Variants in TLR6 observed in about 807,000 individuals in gnomAD.
TLR6 encodes the protein toll like receptor 6, also known as toll-like receptor 6.
In TLR6, 9 loss-of-function variants were observed where a neutral mutation model predicts 16.1. That is an observed-to-expected ratio of 0.56 (90% CI 0.34 to 0.98). The LOEUF is 0.98. TLR6 is among the 50% of genes least tolerant of loss of function. The pLI, the probability that TLR6 is intolerant of heterozygous loss-of-function variation, is 0.02. For missense variants in TLR6, 786 were observed against 921.0 expected (o/e 0.85, Z 1.90); for synonymous variants, 340 against 338.6 (o/e 1.00, Z -0.04).
At chr4:38,849,867 C>T (rs934131478) in intron 1 of TLR6, among the ~76,000 whole-genome samples, 1 of 152,208 alleles carries the variant, frequency 6.6e-6, no homozygotes, top group South Asian at 2.1e-4. Flanking sequence ...GAATTGAACT[C>T]AGCTCTGCAC....
At chr4:38,827,012 T>A in exon 2 of TLR6, 1 of 1,215,948 alleles carries the variant, frequency 8.2e-7, no homozygotes. Context: ...TCCAGACAGT[T>A]ACTTACGACT....
chr4:38,846,088 C>CAAAAAAAA (rs10713614), intron 1 of TLR6, among the ~76,000 whole-genome samples: 1 of 97,040 alleles, frequency 1.0e-5, no homozygotes, highest in African/African-American at 3.6e-5. Context: ...CGAGACATCT[C>CAAAAAAAA]AAAAAAAAAA....
At chr4:38,852,336 T>G (rs1306361695) in intron 1 of TLR6, among the ~76,000 whole-genome samples, 1 of 152,144 alleles carries the variant, frequency 6.6e-6, no homozygotes, top group Non-Finnish European at 1.5e-5. Context: ...ACTTCAAGTC[T>G]AAAACACCAA....
intron 1 of TLR6, among the ~76,000 whole-genome samples, chr4:38,830,629 G>A (rs928334925): frequency 4.6e-5 from 7 of 152,108 alleles, no homozygotes; most frequent in Non-Finnish European, 8.8e-5. Context: ...TGGGAGGATT[G>A]TTTGGGGCCG....
chr4:38,841,245 A>G (rs374381558), intron 1 of TLR6, among the ~76,000 whole-genome samples: 411 of 152,346 alleles, frequency 2.7e-3, no homozygotes, highest in Non-Finnish European at 5.3e-3. Context: ...CCATAAAAGT[A>G]CATTATCACA....
upstream of TLR6, among the ~76,000 whole-genome samples, chr4:38,857,338 G>A (rs1713033339): frequency 6.6e-6 from 1 of 152,008 alleles, no homozygotes; most frequent in Admixed American, 6.6e-5. Flanking sequence ...CCATATGTAC[G>A]AGCAATCATA....
the TLR6 span, chr4:38,868,017 G>A: frequency 2.4e-6 from 1 of 421,302 alleles, no homozygotes. Flanking sequence ...TGAGGGTCTG[G>A]GGCGGCGCGG....
intron 1 of TLR6, among the ~76,000 whole-genome samples, chr4:38,845,850 G>C (rs996286554): frequency 6.6e-6 from 1 of 152,128 alleles, no homozygotes; most frequent in Admixed American, 6.5e-5. Context: ...CTAGCACTTT[G>C]GGAGGCCGAG....
chr4:38,851,531 C>G (rs1161036293), intron 1 of TLR6, among the ~76,000 whole-genome samples: 1 of 152,202 alleles, frequency 6.6e-6, no homozygotes, highest in African/African-American at 2.4e-5. Flanking sequence ...TAAGCAACTT[C>G]AGCAAAGTCT....
chr4:38,827,039 T>C, exon 2 of TLR6: 1 of 1,425,176 alleles, frequency 7.0e-7, no homozygotes, highest in Non-Finnish European at 9.4e-7. Context: ...TTCACCATCA[T>C]CCAAGTAAAT....
intron 1 of TLR6, among the ~76,000 whole-genome samples, chr4:38,838,947 AGGAAGGAAGGAAGGAAGGGG>A (rs1712084337): frequency 8.8e-6 from 1 of 113,332 alleles, no homozygotes. Flanking sequence ...GAAGGAAGGG[AGGAAGGAAGGAAGGAAGGGG>A]AGGAAGGAAA....
chr4:38,864,216 C>T, the TLR6 span, among the ~76,000 whole-genome samples: 3 of 152,136 alleles, frequency 2.0e-5, no homozygotes, highest in South Asian at 2.1e-4. Flanking sequence ...TCATATAGAC[C>T]CTCTAGTTAG....
At chr4:38,860,897 G>A (rs1713178268), upstream of TLR6, among the ~76,000 whole-genome samples, 1 of 152,156 alleles carries the variant, frequency 6.6e-6, no homozygotes, top group African/African-American at 2.4e-5. Context: ...GTCCAGAGAT[G>A]CTGATGTAAG....
At chr4:38,845,809 G>A (rs931492378) in intron 1 of TLR6, among the ~76,000 whole-genome samples, 1 of 152,072 alleles carries the variant, frequency 6.6e-6, no homozygotes, top group African/African-American at 2.4e-5. Context: ...GTAGAGACTG[G>A]GGCCAGGCAT....
intron 1 of TLR6, among the ~76,000 whole-genome samples, chr4:38,832,829 C>T (rs1224613705): frequency 6.6e-6 from 1 of 152,162 alleles, no homozygotes; most frequent in East Asian, 1.9e-4. Context: ...AGTGGCTTTC[C>T]CTGGGACAAA....
At chr4:38,833,905 T>TA (rs1284258901) in intron 1 of TLR6, among the ~76,000 whole-genome samples, 2 of 151,116 alleles carry the variant, frequency 1.3e-5, no homozygotes, top group South Asian at 2.1e-4. Context: ...ATAAATGAAG[T>TA]AAAAAAATAT....
chr4:38,848,406 G>C (rs148969299), intron 1 of TLR6, among the ~76,000 whole-genome samples: 7 of 152,236 alleles, frequency 4.6e-5, no homozygotes, highest in Admixed American at 2.6e-4. Context: ...GCAGCTCCTC[G>C]CCAGCAACGG....
chr4:38,858,650 G>A (rs1426615641), upstream of TLR6, among the ~76,000 whole-genome samples: 2 of 151,496 alleles, frequency 1.3e-5, no homozygotes, highest in Non-Finnish European at 2.9e-5. Flanking sequence ...AACCCAGGAG[G>A]CAGAGGTAGC....
upstream of TLR6, among the ~76,000 whole-genome samples, chr4:38,861,425 T>C (rs1297874474): frequency 6.6e-6 from 1 of 152,166 alleles, no homozygotes; most frequent in African/African-American, 2.4e-5. Context: ...AATCCCACTT[T>C]CCTTCTCTCA....
Sources: allele counts gnomAD v4.1 joint callset (sites outside exome capture counted in the v4.1 genomes callset), GRCh38; gene constraint gnomAD v4.1.1; transcripts MANE v1.5; gene names NCBI Gene and HGNC (gene_info 2026-07-23, HGNC 2026-07-21).